DOCK2: variants seen among roughly 807,000 people sequenced by gnomAD.
DOCK2 encodes the protein dedicator of cytokinesis 2, also known as dedicator of cytokinesis protein 2.
DOCK2 carries 87 observed loss-of-function variants against 248.9 expected under a neutral mutation model. The ratio of observed to expected loss-of-function variants is 0.35; its 90% CI spans 0.29 to 0.42. The LOEUF (loss-of-function observed/expected upper bound fraction) is 0.42, where lower values mean the gene tolerates loss of function less well. Ranked by LOEUF, DOCK2 falls within the 10% of genes least tolerant of loss-of-function variation. DOCK2 has a pLI of 1.00. For missense variants in DOCK2, 1,747 were observed against 2,300.2 expected, an observed-to-expected ratio of 0.76 and a Z score of 4.92; for synonymous variants, 805 against 821.6, an observed-to-expected ratio of 0.98 and a Z score of 0.35.
At position 169,975,972 on chromosome 5, in the gene DOCK2, A is replaced by T. The variant is rs1403961934; in HGVS notation, c.2800-7096A>T. Among the ~76,000 whole-genome samples the T allele has an allele frequency of 1.3e-5, 2 of 152,222 alleles. 1 individual carries two copies. The highest frequency in any genetic ancestry group is 4.1e-4 in the South Asian group (2 of 4,830). The stretch of plus-strand genomic sequence containing the variant: ...TTGCTAGAATATAATTTAAGATGGG[A>T]TGTGTTCAGAGGTAGAACAAAACTT... On this transcript the variant is annotated intron_variant, in intron 27 of 51. Coordinates refer to ENST00000520908, the MANE Select transcript of DOCK2 (RefSeq NM_004946.3).
At chr5:169,747,579 TC>T (rs1018157526) in intron 23 of DOCK2, 75 bp downstream of exon 23, 2 of 1,321,022 alleles carry the variant, frequency 1.5e-6, no homozygotes, top group African/African-American at 3.0e-5. Flanking sequence ...GATAATATCT[TC>T]TTTTACTTAA....
chr5:169,723,906 G>C (rs1762336415), intron 22 of DOCK2, among the ~76,000 whole-genome samples: 1 of 152,004 alleles, frequency 6.6e-6, no homozygotes, highest in Admixed American at 6.6e-5. Flanking sequence ...GTACTCTGTG[G>C]TACACTAAAG....
intron 25 of DOCK2, among the ~76,000 whole-genome samples, chr5:169,799,304 A>G (rs1271091946): frequency 6.6e-6 from 1 of 152,236 alleles, no homozygotes; most frequent in East Asian, 1.9e-4. Context: ...ACTTAGTAAG[A>G]TAATGCACAA....
intron 25 of DOCK2, among the ~76,000 whole-genome samples, chr5:169,773,644 TG>T (rs1296791237): frequency 6.6e-6 from 1 of 152,236 alleles, no homozygotes; most frequent in African/African-American, 2.4e-5. Context: ...TCCAAAATTT[TG>T]TTTTCACTGT....
chr5:169,808,175 A>G (rs974392656), intron 26 of DOCK2, among the ~76,000 whole-genome samples: 3 of 152,166 alleles, frequency 2.0e-5, no homozygotes, highest in Non-Finnish European at 4.4e-5. Flanking sequence ...GCATCATGGA[A>G]CAACCCATTG....
chr5:170,021,138 G>A (rs369323522), intron 33 of DOCK2, among the ~76,000 whole-genome samples: 3 of 152,188 alleles, frequency 2.0e-5, no homozygotes, highest in African/African-American at 7.2e-5. Flanking sequence ...TTTTTGTGAA[G>A]AGCCTGTAAA....
In DOCK2 at chr5:169,800,944, C is replaced by CTTTTTTT. The variant is rs60140740; in HGVS notation, c.2555-2091_2555-2085dup. ...TTTTTCTTTTTTCTTTTCTTTCTTT[C>CTTTTTTT]TTTTTTTTTTTTTTTTTTTTTTTTT... is the stretch of plus-strand genomic sequence containing the variant. On this transcript the variant is annotated intron_variant, in intron 25 of 51. Transcript: ENST00000520908. Among the ~76,000 whole-genome samples, 314 of 53,174 alleles carry CTTTTTTT rather than the reference C, an allele frequency of 5.9e-3. 9 individuals are homozygous for CTTTTTTT. The highest frequency in any genetic ancestry group is 0.01 in the East Asian group (16 of 1,534). The allele number at this position is 53,174 out of a possible 152,430, so 34.9% of individuals were successfully genotyped here. A position where few individuals can be genotyped will look rare whatever the true frequency, so the allele number is the denominator to read the frequency against.
intron 27 of DOCK2, among the ~76,000 whole-genome samples, chr5:169,964,614 G>A (rs1777227118): frequency 6.6e-6 from 1 of 152,218 alleles, no homozygotes; most frequent in Admixed American, 6.5e-5. Context: ...AAGGGGCCAT[G>A]GTCAAAGTTG....
At chr5:169,952,176 A>T (rs1776689043) in intron 27 of DOCK2, among the ~76,000 whole-genome samples, 1 of 152,180 alleles carries the variant, frequency 6.6e-6, no homozygotes, top group Admixed American at 6.5e-5. Context: ...AAGACTAAAA[A>T]TCTCTCATCT....
At chr5:169,795,662 T>TG (rs1375312279) in intron 25 of DOCK2, among the ~76,000 whole-genome samples, 1 of 152,214 alleles carries the variant, frequency 6.6e-6, no homozygotes, top group Non-Finnish European at 1.5e-5. Context: ...GAGAACAAAT[T>TG]GCTAACTGTC....
intron 27 of DOCK2, among the ~76,000 whole-genome samples, chr5:169,899,810 A>G (rs926537707): frequency 3.3e-5 from 5 of 152,218 alleles, no homozygotes; most frequent in African/African-American, 4.8e-5. Flanking sequence ...TGTTGACTCC[A>G]TAAGTTTTTA....
intron 19 of DOCK2, among the ~76,000 whole-genome samples, 180 bp downstream of exon 19, chr5:169,714,637 G>A (rs577268788): frequency 1.3e-5 from 2 of 152,256 alleles, no homozygotes; most frequent in African/African-American, 4.8e-5. Context: ...GAGTGACTTG[G>A]TTCAATGGCA....
At chr5:169,897,550 G>A (rs553739361) in intron 27 of DOCK2, among the ~76,000 whole-genome samples, 26 of 152,286 alleles carry the variant, frequency 1.7e-4, no homozygotes, top group African/African-American at 5.8e-4. Context: ...TCCCTTTAAA[G>A]ACTTCACTAC....
At position 169,792,576 on chromosome 5, in the gene DOCK2, A is replaced by G. The variant is rs1446703412; in HGVS notation, c.2555-10482A>G. ...GTCCTTCCATCTCAGTGTCCCGAGT[A>G]GCTGGGACTGCAGGTGCATGCCCAG... On this transcript the variant is annotated intron_variant, in intron 25 of 51. Coordinates refer to ENST00000520908, the MANE Select transcript of DOCK2 (RefSeq NM_004946.3). Among the ~76,000 whole-genome samples the G allele has an allele frequency of 2.0e-5, 3 of 152,024 alleles. 1 individual carries two copies. The highest frequency in any genetic ancestry group is 7.3e-5 in the African/African-American group (3 of 41,372).
chr5:169,758,396 G>A (rs1341336250), intron 23 of DOCK2, among the ~76,000 whole-genome samples: 1 of 152,124 alleles, frequency 6.6e-6, no homozygotes, highest in Non-Finnish European at 1.5e-5. Context: ...ATGCGATATA[G>A]GACTTTGGAA....
At chr5:170,070,031 G>T (rs574937015) in intron 46 of DOCK2, among the ~76,000 whole-genome samples, 32 of 152,122 alleles carry the variant, frequency 2.1e-4, no homozygotes, top group Non-Finnish European at 2.1e-4. Flanking sequence ...AGAAGCAACA[G>T]TCGGCTAGAT....
chr5:169,870,942 G>A (rs980846222), intron 27 of DOCK2, among the ~76,000 whole-genome samples: 4 of 152,176 alleles, frequency 2.6e-5, no homozygotes, highest in Admixed American at 6.5e-5. Flanking sequence ...AGTTCTGGAG[G>A]TGGGAAGTTG....
At chr5:170,048,075 T>C (rs1420899094) in intron 40 of DOCK2, among the ~76,000 whole-genome samples, 1 of 152,190 alleles carries the variant, frequency 6.6e-6, no homozygotes, top group African/African-American at 2.4e-5. Context: ...AAAATGTTTT[T>C]TGAAGTGTTC....
chr5:169,835,038 C>G (rs141071635), intron 26 of DOCK2, among the ~76,000 whole-genome samples: 4 of 150,846 alleles, frequency 2.7e-5, no homozygotes, highest in African/African-American at 9.7e-5. Flanking sequence ...TTCCAAATTG[C>G]TTTTTTTTTG....
Sources: allele counts gnomAD v4.1 joint callset (sites outside exome capture counted in the v4.1 genomes callset), GRCh38; gene constraint gnomAD v4.1.1; transcripts MANE v1.5; gene names NCBI Gene and HGNC (gene_info 2026-07-23, HGNC 2026-07-21).